KLF12: variants seen among roughly 807,000 people sequenced by gnomAD.
The protein encoded by KLF12 is KLF transcription factor 12.
A neutral mutation model predicts 37.8 loss-of-function variants in KLF12; 9 were observed. The observed-to-expected ratio is 0.24, with a 90% CI of 0.14 to 0.42. The LOEUF is 0.42. Ranked by LOEUF, KLF12 falls within the 10% of genes least tolerant of loss-of-function variation. The pLI, the probability that KLF12 is intolerant of heterozygous loss-of-function variation, is 1.00. For synonymous variants in KLF12, 208 were observed against 202.1 expected (o/e 1.03, Z -0.25); for missense variants, 411 against 516.0 (o/e 0.80, Z 1.97).
At chr13:73,776,835 T>G (rs1277605931) in intron 5 of KLF12, among the ~76,000 whole-genome samples, 3 of 152,158 alleles carry the variant, frequency 2.0e-5, no homozygotes. Flanking sequence ...ACTCTACCAT[T>G]GTGATTTTAA....
intron 5 of KLF12, among the ~76,000 whole-genome samples, chr13:73,807,827 A>T (rs1347939075): frequency 6.6e-6 from 1 of 152,206 alleles, no homozygotes; most frequent in Non-Finnish European, 1.5e-5. Context: ...AGTTTTACTG[A>T]ATTATATCCA....
chr13:74,098,998 C>T (rs1876146319), intron 1 of KLF12, among the ~76,000 whole-genome samples: 1 of 152,094 alleles, frequency 6.6e-6, no homozygotes, highest in Non-Finnish European at 1.5e-5. Context: ...TATTTTATGA[C>T]TCATTTTTGC....
chr13:74,192,672 G>T, the KLF12 span, among the ~76,000 whole-genome samples: 1 of 146,426 alleles, frequency 6.8e-6, no homozygotes, highest in East Asian at 2.1e-4. Flanking sequence ...CAATTCAATG[G>T]CAGAGCTATG....
intron 2 of KLF12, among the ~76,000 whole-genome samples, chr13:73,947,565 C>T (rs140552636): frequency 3.1e-3 from 449 of 145,224 alleles, no homozygotes; most frequent in Non-Finnish European, 5.2e-3. Flanking sequence ...GCAGAAGAAT[C>T]GCTTGAACCC....
At chr13:74,197,544 T>C in the KLF12 span, among the ~76,000 whole-genome samples, 8 of 152,140 alleles carry the variant, frequency 5.3e-5, no homozygotes, top group Admixed American at 5.2e-4. Flanking sequence ...ATAACTCTGA[T>C]AATTCTAACT....
At chr13:73,940,937 G>C (rs1890158457) in intron 3 of KLF12, among the ~76,000 whole-genome samples, 1 of 152,184 alleles carries the variant, frequency 6.6e-6, no homozygotes, top group Non-Finnish European at 1.5e-5. Context: ...GACAGCAGAA[G>C]ACCTAAAGGA....
At chr13:74,009,449 AC>A (rs985186339) in intron 1 of KLF12, among the ~76,000 whole-genome samples, 35 of 151,582 alleles carry the variant, frequency 2.3e-4, no homozygotes, top group Middle Eastern at 6.9e-3. Context: ...TGGAATTTGA[AC>A]CCATTTTGTC....
In KLF12 at chr13:74,128,126, C is replaced by A. The variant is rs546129908; in HGVS notation, c.-32+5613G>T. ...GTTTTTCTTTTGACAAGCTTGGATA[C>A]TTCACCTGTATTATATAAATGTTAA... On this transcript the variant is annotated intron_variant, in intron 1 of 7. Coordinates refer to ENST00000377669, the MANE Select transcript of KLF12 (RefSeq NM_007249.5). Among the ~76,000 whole-genome samples the A allele has an allele frequency of 2.6e-5, 4 of 152,230 alleles. No homozygotes were observed. In the East Asian group the frequency reaches 7.7e-4, roughly 29 times the overall value.
chr13:73,794,330 A>G (rs1481499656), intron 5 of KLF12, among the ~76,000 whole-genome samples: 1 of 152,168 alleles, frequency 6.6e-6, no homozygotes, highest in Non-Finnish European at 1.5e-5. Flanking sequence ...GCGTGATGGT[A>G]TGCGCTTGTA....
At chr13:74,115,080 G>A (rs1877168657) in intron 1 of KLF12, among the ~76,000 whole-genome samples, 3 of 152,052 alleles carry the variant, frequency 2.0e-5, no homozygotes, top group South Asian at 4.2e-4. Context: ...GTGCCAAAAG[G>A]GTTTGGGGAC....
chr13:73,761,860 T>C (rs1358453262), intron 6 of KLF12, among the ~76,000 whole-genome samples: 4 of 152,028 alleles, frequency 2.6e-5, no homozygotes, highest in African/African-American at 7.2e-5. Context: ...GGGACAAGGG[T>C]GAAGGTAAAG....
intron 1 of KLF12, among the ~76,000 whole-genome samples, chr13:74,089,764 T>A (rs1345477353): frequency 1.5e-4 from 11 of 74,946 alleles, no homozygotes; most frequent in East Asian, 8.2e-4. Context: ...AAACTAGGAA[T>A]AGAAAGGAAT....
chr13:73,799,080 C>T (rs977023722), intron 5 of KLF12, among the ~76,000 whole-genome samples: 2 of 152,114 alleles, frequency 1.3e-5, no homozygotes, highest in Admixed American at 6.5e-5. Context: ...ACTATGCAGC[C>T]ATAAAAAGAG....
chr13:74,109,718 G>C (rs1348614496), intron 1 of KLF12, among the ~76,000 whole-genome samples: 1 of 152,054 alleles, frequency 6.6e-6, no homozygotes, highest in Non-Finnish European at 1.5e-5. Flanking sequence ...GTTAGTTCAA[G>C]CCAATGGAAA....
intron 1 of KLF12, among the ~76,000 whole-genome samples, chr13:74,049,978 G>A (rs1872803019): frequency 6.6e-6 from 1 of 151,676 alleles, no homozygotes. Context: ...TGGTTTTGTT[G>A]TTGTTGTTGT....
chr13:74,216,012 G>A, the KLF12 span, among the ~76,000 whole-genome samples: 23,074 of 152,138 alleles, frequency 0.15, 2,427 homozygotes, highest in African/African-American at 0.3. Flanking sequence ...CATGCTTTCA[G>A]GAATGAACAC....
At chr13:73,989,556 A>C (rs1332786789) in intron 2 of KLF12, among the ~76,000 whole-genome samples, 2 of 152,152 alleles carry the variant, frequency 1.3e-5, no homozygotes, top group African/African-American at 4.8e-5. Context: ...CCTTCACTTA[A>C]GGGGCACTGC....
At chr13:74,077,257 CCCA>C (rs1409209764) in intron 1 of KLF12, among the ~76,000 whole-genome samples, 1 of 152,174 alleles carries the variant, frequency 6.6e-6, no homozygotes, top group Non-Finnish European at 1.5e-5. Flanking sequence ...AATTTACACT[CCCA>C]CCAACAAGGG....
At chr13:73,818,920 G>T (rs780478717) in intron 4 of KLF12, among the ~76,000 whole-genome samples, 1 of 152,330 alleles carries the variant, frequency 6.6e-6, no homozygotes, top group East Asian at 1.9e-4. Flanking sequence ...ACATGTCCCA[G>T]TTAGAGAAAC....
Sources: gnomAD v4.1 joint callset for allele counts (sites outside exome capture counted in the v4.1 genomes callset) on GRCh38, gnomAD v4.1.1 for gene constraint, MANE v1.5 for transcripts, NCBI Gene and HGNC (gene_info 2026-07-23, HGNC 2026-07-21) for gene names.